PROCR: variants seen among roughly 807,000 people sequenced by gnomAD.
PROCR encodes protein C receptor.
In PROCR, 22 loss-of-function variants were observed where a neutral mutation model predicts 24.2. The ratio of observed to expected loss-of-function variants is 0.91; its 90% CI spans 0.65 to 1.30. The LOEUF is 1.30. Among genes scored for constraint, PROCR ranks in the 50% most tolerant of loss-of-function variants. PROCR has a pLI of 0.00. For synonymous variants in PROCR, 137 were observed against 139.2 expected (o/e 0.98, Z 0.11); for missense variants, 288 against 307.7 (o/e 0.94, Z 0.48).
intron 1 of PROCR, among the ~76,000 whole-genome samples, chr20:35,211,731 C>T (rs534268403): frequency 2.0e-5 from 3 of 152,046 alleles, no homozygotes; most frequent in East Asian, 1.9e-4. Context: ...ACACTGTGAT[C>T]GGCTGGGCGT....
chr20:35,212,367 C>A (rs577005125), intron 1 of PROCR, among the ~76,000 whole-genome samples: 1 of 152,134 alleles, frequency 6.6e-6, no homozygotes, highest in Non-Finnish European at 1.5e-5. Flanking sequence ...AGGGCCCTCA[C>A]GCTTGTTTTA....
intron 1 of PROCR, among the ~76,000 whole-genome samples, chr20:35,189,784 G>A (rs189997611): frequency 9.2e-5 from 14 of 152,134 alleles, no homozygotes; most frequent in South Asian, 8.3e-4. Context: ...TTGAAATATC[G>A]GGGGCTGGTT....
intron 1 of PROCR, among the ~76,000 whole-genome samples, chr20:35,194,557 G>A (rs1168143346): frequency 6.6e-6 from 1 of 152,158 alleles, no homozygotes; most frequent in Non-Finnish European, 1.5e-5. Flanking sequence ...GTTCCTCTAG[G>A]GAGGAAAGAG....
At chr20:35,200,458 A>G (rs1391767934) in intron 1 of PROCR, among the ~76,000 whole-genome samples, 1 of 152,200 alleles carries the variant, frequency 6.6e-6, no homozygotes, top group Non-Finnish European at 1.5e-5. Context: ...CCACCAGAGA[A>G]AAGACTATGA....
At chr20:35,174,185 G>A (rs1254658694) in intron 1 of PROCR, among the ~76,000 whole-genome samples, 1 of 152,086 alleles carries the variant, frequency 6.6e-6, no homozygotes, top group Non-Finnish European at 1.5e-5. Context: ...GAAGGGGAGG[G>A]GGTTATGGCA....
At chr20:35,214,394 T>A (rs756592354) in intron 1 of PROCR, among the ~76,000 whole-genome samples, 5 of 152,156 alleles carry the variant, frequency 3.3e-5, no homozygotes, top group Non-Finnish European at 7.3e-5. Flanking sequence ...TTTTAAAAAA[T>A]GGCTGCATTG....
Position 35,172,241 on chromosome 20 carries a change from T to A in PROCR, c.70+17T>A, listed in dbSNP as rs1568589313. 2.5e-6 allele frequency: 4 copies of A among 1,613,350 alleles called. No homozygotes were observed. In the South Asian group the frequency reaches 4.4e-5, roughly 18 times the overall value. On this transcript the variant is annotated intron_variant, in intron 1 of 3. Coordinates refer to ENST00000216968, the MANE Select transcript of PROCR (RefSeq NM_006404.5). ...CCTCAGATGGTGAGTCGGGGGCACA[T>A]CTCCTGCCTCAGGATGGTTCTGGAG...
chr20:35,197,821 CAAAA>C (rs66587294), intron 1 of PROCR, among the ~76,000 whole-genome samples: 2 of 115,834 alleles, frequency 1.7e-5, no homozygotes, highest in Non-Finnish European at 1.8e-5. Flanking sequence ...GACTCCGTCT[CAAAA>C]AAAAAAAAAA....
chr20:35,176,968 G>A lies in PROCR; in HGVS notation c.*155G>A, dbSNP rs752352295. ...CACATCTGCCCACTGAAGATTTGAG[G>A]GAGGGGAGATGGAGAGGAGAGGTGG... On this transcript the variant is annotated 3_prime_UTR_variant, in exon 4 of 4. Coordinates refer to ENST00000216968, the MANE Select transcript of PROCR (RefSeq NM_006404.5). The A allele has an allele frequency of 1.9e-5, 28 of 1,501,052 alleles. No homozygotes were observed. The highest frequency in any genetic ancestry group is 2.4e-5 in the Non-Finnish European group (27 of 1,123,968). The allele number at this position is 1,501,052 out of a possible 1,614,324, so 93.0% of individuals were successfully genotyped here. A position where few individuals can be genotyped will look rare whatever the true frequency, so the allele number is the denominator to read the frequency against.
chr20:35,198,585 G>A (rs906131063), intron 1 of PROCR, among the ~76,000 whole-genome samples: 2 of 152,230 alleles, frequency 1.3e-5, no homozygotes, highest in Non-Finnish European at 2.9e-5. Context: ...GAAGCAGCAA[G>A]TGCTGATGCG....
intron 1 of PROCR, among the ~76,000 whole-genome samples, chr20:35,190,828 A>G (rs140975910): frequency 5.3e-5 from 8 of 152,238 alleles, no homozygotes; most frequent in African/African-American, 1.4e-4. Context: ...ACCGTCCTAC[A>G]TATGTTCAAA....
intron 1 of PROCR, among the ~76,000 whole-genome samples, chr20:35,185,609 T>C (rs2086118552): frequency 6.6e-6 from 1 of 152,194 alleles, no homozygotes; most frequent in Non-Finnish European, 1.5e-5. Context: ...TTAGAGACTA[T>C]TATTCTAAGT....
intron 1 of PROCR, among the ~76,000 whole-genome samples, chr20:35,215,349 C>CTGGTAATAT: frequency 6.6e-6 from 1 of 152,240 alleles, no homozygotes; most frequent in Admixed American, 6.5e-5. Flanking sequence ...TTTATATAGA[C>CTGGTAATAT]TCATCTCAAA....
At chr20:35,192,322 A>G (rs1243843865) in intron 1 of PROCR, among the ~76,000 whole-genome samples, 1 of 152,224 alleles carries the variant, frequency 6.6e-6, no homozygotes, top group Non-Finnish European at 1.5e-5. Context: ...GGGCGGCTCG[A>G]CAGTCAACAG....
At chr20:35,211,898 C>T (rs1175301279) in intron 1 of PROCR, among the ~76,000 whole-genome samples, 1 of 151,946 alleles carries the variant, frequency 6.6e-6, no homozygotes, top group Non-Finnish European at 1.5e-5. Flanking sequence ...CAACTGTAAT[C>T]CCAGCTACTT....
intron 1 of PROCR, among the ~76,000 whole-genome samples, chr20:35,198,543 G>T (rs2060306953): frequency 6.6e-6 from 1 of 152,174 alleles, no homozygotes; most frequent in Non-Finnish European, 1.5e-5. Flanking sequence ...TTTAGGGAAA[G>T]AAGCCATCTC....
downstream of PROCR, chr20:35,177,408 A>ACCC: frequency 2.1e-6 from 2 of 955,324 alleles, no homozygotes; most frequent in Non-Finnish European, 2.5e-6. Context: ...AGTAACCTAT[A>ACCC]CCCATTTCTT....
Position 35,172,603 on chromosome 20 carries a change from G to A in PROCR, c.70+379G>A, listed in dbSNP as rs533602601. Among the ~76,000 whole-genome samples, 31 of 152,128 alleles carry A rather than the reference G, an allele frequency of 2.0e-4. No homozygotes were observed. In the East Asian group the frequency reaches 6.0e-3, roughly 29 times the overall value. ...AGGCTCAGAAGAGAAGAGAAATGGA[G>A]GGAATGGGAAGACCCTGGGAAAACT... On this transcript the variant is annotated intron_variant, in intron 1 of 3. Coordinates refer to ENST00000216968, the MANE Select transcript of PROCR (RefSeq NM_006404.5).
chr20:35,171,618 G>T (rs1208027527), upstream of PROCR, among the ~76,000 whole-genome samples: 3 of 152,084 alleles, frequency 2.0e-5, no homozygotes, highest in Non-Finnish European at 4.4e-5. Flanking sequence ...TAAAATTCTG[G>T]TAAAATGTAG....
Sources: allele counts gnomAD v4.1 joint callset (sites outside exome capture counted in the v4.1 genomes callset), GRCh38; gene constraint gnomAD v4.1.1; transcripts MANE v1.5; gene names NCBI Gene and HGNC (gene_info 2026-07-23, HGNC 2026-07-21).